Variants in COMMD10 observed in about 807,000 individuals in gnomAD.
COMMD10 encodes the protein COMM domain containing 10.
In COMMD10, 33 loss-of-function variants were observed where a neutral mutation model predicts 28.9. The ratio of observed to expected loss-of-function variants is 1.14; its 90% CI spans 0.87 to 1.53. COMMD10 has a LOEUF of 1.53. Among genes scored for constraint, COMMD10 ranks in the 40% most tolerant of loss-of-function variants. The probability of loss-of-function intolerance (pLI) is 0.00; values close to 1 mark genes in which losing one functional copy is unlikely to be tolerated. For missense variants in COMMD10, 310 were observed against 233.4 expected (o/e 1.33, Z -2.14); for synonymous variants, 110 against 81.7 (o/e 1.35, Z -1.87).
At chr5:116,254,393 G>T (rs1460492922) in intron 5 of COMMD10, among the ~76,000 whole-genome samples, 3 of 151,722 alleles carry the variant, frequency 2.0e-5, no homozygotes, top group Non-Finnish European at 2.9e-5. Flanking sequence ...TGATGTTAGG[G>T]TGTTAATTTT....
chr5:116,272,338 T>C (rs904068134), intron 5 of COMMD10, among the ~76,000 whole-genome samples: 1 of 151,906 alleles, frequency 6.6e-6, no homozygotes, highest in African/African-American at 2.4e-5. Flanking sequence ...ATTGAAACTC[T>C]TGTAAAATTG....
intron 5 of COMMD10, among the ~76,000 whole-genome samples, chr5:116,183,001 A>C (rs1247136677): frequency 6.6e-6 from 1 of 152,120 alleles, no homozygotes; most frequent in Non-Finnish European, 1.5e-5. Context: ...GCCTTCTGCC[A>C]TGATTGTAAG....
intron 5 of COMMD10, among the ~76,000 whole-genome samples, chr5:116,241,243 G>A (rs1309832366): frequency 5.9e-5 from 9 of 152,150 alleles, no homozygotes; most frequent in East Asian, 1.9e-4. Context: ...TAGTTTAACC[G>A]TAGGTGGACA....
chr5:116,197,679 GC>G (rs1561662725), intron 5 of COMMD10, among the ~76,000 whole-genome samples: 1 of 152,106 alleles, frequency 6.6e-6, no homozygotes, highest in Admixed American at 6.6e-5. Flanking sequence ...ACCGTGCCTG[GC>G]CCCAGATTTT....
chr5:116,115,543 G>T (rs1208772101), intron 4 of COMMD10, among the ~76,000 whole-genome samples: 2 of 152,116 alleles, frequency 1.3e-5, no homozygotes, highest in Non-Finnish European at 2.9e-5. Flanking sequence ...TCTTGAATCT[G>T]TGTTGACTGT....
At position 116,102,419 on chromosome 5, in the gene COMMD10, C is replaced by A. The variant is rs74876533; in HGVS notation, c.399+9719C>A. On this transcript the variant is annotated intron_variant, in intron 4 of 6. Transcript: ENST00000274458. ...TAGTCTGTTCTCTTGATCTATGTGTCTATCTTTATACTAGTACCATGCTGT... is the reference window on the plus strand; with the variant it reads ...TAGTCTGTTCTCTTGATCTATGTGTATATCTTTATACTAGTACCATGCTGT... Among the ~76,000 whole-genome samples, 17 of 152,228 alleles carry A rather than the reference C, an allele frequency of 1.1e-4. No homozygotes were observed. In the East Asian group the frequency reaches 3.3e-3, roughly 29 times the overall value.
At chr5:116,163,319 T>C (rs1036781055) in intron 5 of COMMD10, among the ~76,000 whole-genome samples, 1 of 151,480 alleles carries the variant, frequency 6.6e-6, no homozygotes, top group Admixed American at 6.6e-5. Flanking sequence ...GCATGGTAGC[T>C]CACTCCTGTA....
Position 116,203,940 on chromosome 5 carries a change from G to A in COMMD10, c.510+69762G>A, listed in dbSNP as rs986974207. The stretch of plus-strand genomic sequence containing the variant: ...TAAATGCTCCAATTAAAAGACACAG[G>A]CTGGCAAATTGGATAAAGAGTCAAG... On this transcript the variant is annotated intron_variant, in intron 5 of 6. Coordinates refer to ENST00000274458, the MANE Select transcript of COMMD10 (RefSeq NM_016144.4). 2.1e-3 allele frequency among the ~76,000 whole-genome samples: 327 copies of A among 152,116 alleles called. 3 individuals carry two copies. Among genetic ancestry groups the A allele is most frequent in the African/African-American group, 5.9e-3 (243 of 41,504 alleles).
At chr5:116,160,499 C>T (rs748296101) in intron 5 of COMMD10, among the ~76,000 whole-genome samples, 1 of 152,124 alleles carries the variant, frequency 6.6e-6, no homozygotes, top group Non-Finnish European at 1.5e-5. Flanking sequence ...AGGAATGCAA[C>T]TGAAGTTGGA....
At chr5:116,251,831 A>G (rs1364840088) in intron 5 of COMMD10, among the ~76,000 whole-genome samples, 1 of 152,122 alleles carries the variant, frequency 6.6e-6, no homozygotes, top group Non-Finnish European at 1.5e-5. Flanking sequence ...GCTGGATCAC[A>G]TGGTATTTCT....
At chr5:116,224,515 A>G (rs1749343187) in intron 5 of COMMD10, among the ~76,000 whole-genome samples, 1 of 152,176 alleles carries the variant, frequency 6.6e-6, no homozygotes, top group South Asian at 2.1e-4. Flanking sequence ...GTGGAAGGCA[A>G]AAGGGGAGTT....
chr5:116,196,390 G>T (rs1464769998), intron 5 of COMMD10, among the ~76,000 whole-genome samples: 1 of 152,020 alleles, frequency 6.6e-6, no homozygotes, highest in Non-Finnish European at 1.5e-5. Context: ...CAAATATGGT[G>T]CAGTGTATAC....
intron 5 of COMMD10, among the ~76,000 whole-genome samples, chr5:116,246,859 A>T (rs1044900115): frequency 6.6e-6 from 1 of 152,160 alleles, no homozygotes; most frequent in African/African-American, 2.4e-5. Context: ...TGTAAAGCAC[A>T]AAAGTATAAA....
intron 5 of COMMD10, among the ~76,000 whole-genome samples, chr5:116,286,799 G>A (rs1751230734): frequency 6.6e-6 from 1 of 151,798 alleles, no homozygotes; most frequent in Non-Finnish European, 1.5e-5. Flanking sequence ...CCCAGAGAAT[G>A]TTCCATGGGT....
downstream of COMMD10, chr5:116,293,287 ATTGG>A (rs1211203676): frequency 9.8e-5 from 32 of 326,124 alleles, no homozygotes; most frequent in East Asian, 1.1e-3. Context: ...GTGTCTTAGG[ATTGG>A]TTGAAGTGTA....
intron 4 of COMMD10, among the ~76,000 whole-genome samples, chr5:116,107,973 C>G (rs1580450394): frequency 6.6e-6 from 1 of 152,204 alleles, no homozygotes; most frequent in Admixed American, 6.5e-5. Flanking sequence ...CCACTCCAGA[C>G]CCTGTTTGCC....
intron 5 of COMMD10, among the ~76,000 whole-genome samples, chr5:116,186,966 T>G (rs1347331140): frequency 6.6e-6 from 1 of 152,196 alleles, no homozygotes; most frequent in East Asian, 1.9e-4. Flanking sequence ...TAGAAATATG[T>G]AATAATTTCA....
At chr5:116,191,532 C>G (rs1580536719) in intron 5 of COMMD10, among the ~76,000 whole-genome samples, 1 of 151,678 alleles carries the variant, frequency 6.6e-6, no homozygotes, top group Non-Finnish European at 1.5e-5. Flanking sequence ...CCCCCACTTC[C>G]CTGACAACCT....
At position 116,267,969 on chromosome 5, in the gene COMMD10, C is replaced by A. The variant is rs904398012; in HGVS notation, c.511-23548C>A. The stretch of plus-strand genomic sequence containing the variant: ...TAATTCGAGATGGATTAAAGACTTA[C>A]ATGTTAGACCTAAAACCATAAAAAC... On this transcript the variant is annotated intron_variant, in intron 5 of 6. Coordinates refer to ENST00000274458, the MANE Select transcript of COMMD10 (RefSeq NM_016144.4). Among the ~76,000 whole-genome samples the A allele has an allele frequency of 2.2e-4, 34 of 151,620 alleles. 1 individual carries two copies. Among genetic ancestry groups the A allele is most frequent in the African/African-American group, 6.8e-4 (28 of 41,090 alleles).
Sources: gnomAD v4.1 joint callset for allele counts (sites outside exome capture counted in the v4.1 genomes callset) on GRCh38, gnomAD v4.1.1 for gene constraint, MANE v1.5 for transcripts, NCBI Gene and HGNC (gene_info 2026-07-23, HGNC 2026-07-21) for gene names.